The following MTREX variants were observed in gnomAD, a reference collection of about 807,000 sequenced individuals.
MTREX encodes exosome RNA helicase MTR4.
In MTREX, 76 loss-of-function variants were observed where a neutral mutation model predicts 135.4. The ratio of observed to expected loss-of-function variants is 0.56; its 90% CI spans 0.47 to 0.68. The LOEUF (loss-of-function observed/expected upper bound fraction) is 0.68. Among genes scored for constraint, MTREX ranks in the 30% least tolerant of loss-of-function variants. The probability of loss-of-function intolerance (pLI) is 0.00; values close to 1 mark genes in which losing one functional copy is unlikely to be tolerated. For missense variants in MTREX, 920 were observed against 1,262.1 expected (o/e 0.73, Z 4.11); for synonymous variants, 404 against 401.6 (o/e 1.01, Z -0.07).
chr5:55,339,976 A>T (rs763345672), intron 5 of MTREX, 34 bp from the exon 6 acceptor site: 7 of 1,413,204 alleles, frequency 5.0e-6, no homozygotes, highest in Non-Finnish European at 6.5e-6. Context: ...ATTTAAAGGA[A>T]AAGTTGTATG....
At chr5:55,365,657 A>T (rs1334994489) in intron 15 of MTREX, among the ~76,000 whole-genome samples, 2 of 152,210 alleles carry the variant, frequency 1.3e-5, no homozygotes, top group East Asian at 3.8e-4. Context: ...TTATTTAAAT[A>T]ACTACACAAC....
intron 19 of MTREX, among the ~76,000 whole-genome samples, chr5:55,389,639 A>G (rs1750533279): frequency 6.6e-6 from 1 of 152,150 alleles, no homozygotes; most frequent in Non-Finnish European, 1.5e-5. Context: ...GATTTTAACA[A>G]ACTTGTAGGA....
chr5:55,346,469 A>G (rs562928536), intron 10 of MTREX, among the ~76,000 whole-genome samples: 3 of 152,300 alleles, frequency 2.0e-5, no homozygotes, highest in East Asian at 1.9e-4. Flanking sequence ...TGATGGATCT[A>G]ATTTTTTCAC....
At position 55,379,105 on chromosome 5, in the gene MTREX, ACTTG is replaced by A. The variant is rs779802236; in HGVS notation, c.1984-18_1984-15del. On this transcript the variant is annotated intron_variant, in intron 17 of 26. Transcript: ENST00000230640. ...GTAGATATACATTTGATTCTTGCTT[ACTTG>A]CTTTTCTTTCTTTTTAGGTAAAGAA... 4.2e-5 allele frequency: 65 copies of A among 1,565,948 alleles called. No homozygotes were observed. Among genetic ancestry groups the A allele is most frequent in the Admixed American group, 3.3e-5 (2 of 59,896 alleles).
At chr5:55,381,093 T>C (rs1041860572) in intron 18 of MTREX, among the ~76,000 whole-genome samples, 5 of 152,166 alleles carry the variant, frequency 3.3e-5, no homozygotes, top group African/African-American at 1.2e-4. Flanking sequence ...TATAATCCTT[T>C]TTATTTTTGT....
intron 10 of MTREX, among the ~76,000 whole-genome samples, chr5:55,345,473 C>G (rs1302492116): frequency 6.6e-5 from 10 of 151,874 alleles, no homozygotes; most frequent in Non-Finnish European, 4.4e-5. Flanking sequence ...TTTCATGAAC[C>G]CAAAAAGAAA....
chr5:55,345,630 C>G (rs1036117284), intron 10 of MTREX, among the ~76,000 whole-genome samples: 5 of 149,950 alleles, frequency 3.3e-5, no homozygotes, highest in Admixed American at 2.7e-4. Flanking sequence ...GCTTCTTTCA[C>G]TTAATGTAAT....
chr5:55,387,941 G>A (rs761506030), intron 18 of MTREX, 33 bp from the exon 19 acceptor site: 1 of 1,547,660 alleles, frequency 6.5e-7, no homozygotes, highest in Non-Finnish European at 8.8e-7. Context: ...AGTTTCTTAA[G>A]AATGAATGAA....
chr5:55,348,329 C>A (rs777525213), intron 11 of MTREX, among the ~76,000 whole-genome samples: 11 of 152,154 alleles, frequency 7.2e-5, no homozygotes, highest in Non-Finnish European at 1.6e-4. Context: ...TTAATCCATT[C>A]ATGAGGACCC....
chr5:55,403,623 G>C (rs1232598015), intron 21 of MTREX, among the ~76,000 whole-genome samples: 3 of 152,140 alleles, frequency 2.0e-5, no homozygotes, highest in Non-Finnish European at 4.4e-5. Flanking sequence ...GCTCACATAG[G>C]CATCCTCAGT....
intron 11 of MTREX, 91 bp from the exon 12 acceptor site, chr5:55,349,482 C>T (rs1159877834): frequency 2.0e-5 from 15 of 756,882 alleles, no homozygotes; most frequent in Middle Eastern, 2.4e-4. Flanking sequence ...GGACACCACG[C>T]CTGGCCTTTA....
intron 25 of MTREX, among the ~76,000 whole-genome samples, chr5:55,421,418 A>G (rs1751053752): frequency 6.6e-6 from 1 of 152,242 alleles, no homozygotes; most frequent in Non-Finnish European, 1.5e-5. Context: ...CCTTGTGCCT[A>G]CTGGCCTAAT....
chr5:55,406,081 A>G (rs1750800066), intron 22 of MTREX, among the ~76,000 whole-genome samples: 1 of 152,240 alleles, frequency 6.6e-6, no homozygotes, highest in Non-Finnish European at 1.5e-5. Flanking sequence ...GGCTAATAAT[A>G]GGATTTTACA....
Position 55,425,364 on chromosome 5 carries a change from T to A in MTREX, c.*592T>A, listed in dbSNP as rs752615289. 2.4e-5 allele frequency: 37 copies of A among 1,541,980 alleles called. No homozygotes were observed. The Admixed American group carries it at 6.9e-4, about 29-fold the overall frequency. ...AGTGCAAAATATTTAATGGTATAATTTAGATCAAGTTAAAAACTACATACA... is the reference window on the plus strand; with the variant it reads ...AGTGCAAAATATTTAATGGTATAATATAGATCAAGTTAAAAACTACATACA... On this transcript the variant is annotated 3_prime_UTR_variant, in exon 27 of 27. Coordinates refer to ENST00000230640, the MANE Select transcript of MTREX (RefSeq NM_015360.5).
intron 1 of MTREX, among the ~76,000 whole-genome samples, chr5:55,315,474 C>T (rs1177130714): frequency 3.9e-5 from 6 of 151,978 alleles, no homozygotes; most frequent in Non-Finnish European, 4.4e-5. Flanking sequence ...ACAGATTGCC[C>T]AGATAGTCTA....
In MTREX at chr5:55,343,727, T is replaced by C. The variant is rs576813106; in HGVS notation, c.906+272T>C. Reference sequence around the variant, plus strand: ...CAATTTTAAAAATTCCCCAAGTTGATCTGATGATCTGCCAGGTTTAGAAAC... The same window carrying C: ...CAATTTTAAAAATTCCCCAAGTTGACCTGATGATCTGCCAGGTTTAGAAAC... On this transcript the variant is annotated intron_variant, in intron 8 of 26. Transcript: ENST00000230640. Among the ~76,000 whole-genome samples, 4 of 152,278 alleles carry C rather than the reference T, an allele frequency of 2.6e-5. No individual in the cohort carries two copies. The South Asian group carries it at 8.3e-4, about 32-fold the overall frequency.
intron 25 of MTREX, among the ~76,000 whole-genome samples, chr5:55,418,006 G>A (rs1180212566): frequency 4.6e-5 from 7 of 151,180 alleles, no homozygotes; most frequent in Admixed American, 1.3e-4. Context: ...AGGCCGAGGC[G>A]GGCGGATCAG....
At chr5:55,376,576 T>C (rs1409070906) in intron 16 of MTREX, among the ~76,000 whole-genome samples, 1 of 152,246 alleles carries the variant, frequency 6.6e-6, no homozygotes, top group Non-Finnish European at 1.5e-5. Context: ...TAGATCTTTT[T>C]AGAATTTGCT....
At position 55,404,836 on chromosome 5, in the gene MTREX, G is replaced by A. The variant is rs192677109; in HGVS notation, c.2482-589G>A. ...TTTTTTTTTTTTAAGACGGAATCTC[G>A]CTTTCTTGCCAGGCTGGAGTGCAGT... On this transcript the variant is annotated intron_variant, in intron 21 of 26. Coordinates refer to ENST00000230640, the MANE Select transcript of MTREX (RefSeq NM_015360.5). Among the ~76,000 whole-genome samples the A allele has an allele frequency of 1.4e-3, 197 of 142,130 alleles. 2 individuals carry two copies. The Middle Eastern group carries it at 0.026, about 19-fold the overall frequency. The allele number at this position is 142,130 out of a possible 152,430, so 93.2% of individuals were successfully genotyped here.
Sources: gnomAD v4.1 joint callset for allele counts (sites outside exome capture counted in the v4.1 genomes callset) on GRCh38, gnomAD v4.1.1 for gene constraint, MANE v1.5 for transcripts, NCBI Gene and HGNC (gene_info 2026-07-23, HGNC 2026-07-21) for gene names.